The following SIPA1L3 variants were observed in gnomAD, a reference collection of about 807,000 sequenced individuals.
SIPA1L3 encodes signal induced proliferation associated 1 like 3.
In SIPA1L3, 59 loss-of-function variants were observed where a neutral mutation model predicts 150.1. The ratio of observed to expected loss-of-function variants is 0.39; its 90% CI spans 0.32 to 0.49. SIPA1L3 has a LOEUF of 0.49. Ranked by LOEUF, SIPA1L3 falls within the 20% of genes least tolerant of loss-of-function variation. The pLI, the probability that SIPA1L3 is intolerant of heterozygous loss-of-function variation, is 0.86. For synonymous variants in SIPA1L3, 1,070 were observed against 1,077.6 expected, an observed-to-expected ratio of 0.99 and a Z score of 0.14; for missense variants, 2,211 against 2,489.5, an observed-to-expected ratio of 0.89 and a Z score of 2.38.
At chr19:38,120,027 T>C in intron 9 of SIPA1L3, 145 bp downstream of exon 9, 1 of 609,148 alleles carries the variant, frequency 1.6e-6, no homozygotes, top group Non-Finnish European at 2.8e-6. Flanking sequence ...AAACTAGACA[T>C]CTTGTGGGTT....
chr19:37,972,877 T>C (rs1001783115), intron 1 of SIPA1L3, among the ~76,000 whole-genome samples: 15 of 152,108 alleles, frequency 9.9e-5, no homozygotes, highest in African/African-American at 3.6e-4. Flanking sequence ...TCCCCCCAAA[T>C]TAGTGGAGCT....
chr19:38,132,911 G>T (rs1054614523), intron 10 of SIPA1L3, among the ~76,000 whole-genome samples: 3 of 152,170 alleles, frequency 2.0e-5, no homozygotes, highest in Non-Finnish European at 2.9e-5. Context: ...GCCACCCAAA[G>T]TGCTGGGATT....
intron 12 of SIPA1L3, among the ~76,000 whole-genome samples, chr19:38,150,350 G>A (rs1298333339): frequency 6.6e-6 from 1 of 151,982 alleles, no homozygotes; most frequent in Non-Finnish European, 1.5e-5. Context: ...GGGGATTAGG[G>A]CAGGGTCCCT....
At chr19:38,012,401 G>C (rs1968125357) in intron 1 of SIPA1L3, among the ~76,000 whole-genome samples, 1 of 152,094 alleles carries the variant, frequency 6.6e-6, no homozygotes, top group South Asian at 2.1e-4. Context: ...TGAAGGGCAA[G>C]GGCATTTCAG....
Position 38,080,861 on chromosome 19 carries a change from T to C in SIPA1L3, c.-310-395T>C, listed in dbSNP as rs1023109166. Reference sequence around the variant, plus strand: ...TAGCACATGCTGGAATTCCAGCTACTTGGGAGGCTGAGGCAGGAGAATCAT... The same window carrying C: ...TAGCACATGCTGGAATTCCAGCTACCTGGGAGGCTGAGGCAGGAGAATCAT... On this transcript the variant is annotated intron_variant, in intron 2 of 21. Coordinates refer to ENST00000222345, the MANE Select transcript of SIPA1L3 (RefSeq NM_015073.3). 2.6e-5 allele frequency among the ~76,000 whole-genome samples: 4 copies of C among 151,964 alleles called. No homozygotes were observed. In the East Asian group the frequency reaches 7.7e-4, roughly 29 times the overall value.
Position 38,060,510 on chromosome 19 carries a change from A to T in SIPA1L3, c.-310-20746A>T, listed in dbSNP as rs576398116. On this transcript the variant is annotated intron_variant, in intron 2 of 21. Transcript: ENST00000222345. ...GGCTATGCCTGAGCAGAGGTGCGTG[A>T]CTTTGGACAGTTTGGGAGCCCCAGT... Among the ~76,000 whole-genome samples the T allele has an allele frequency of 1.6e-3, 242 of 152,298 alleles. 1 individual carries two copies. Among genetic ancestry groups the T allele is most frequent in the African/African-American group, 5.4e-3 (225 of 41,562 alleles).
At chr19:38,202,668 G>A (rs540228420) in intron 20 of SIPA1L3, among the ~76,000 whole-genome samples, 2 of 152,258 alleles carry the variant, frequency 1.3e-5, no homozygotes, top group East Asian at 3.9e-4. Context: ...CAGCCCCGTC[G>A]CTGCCAATCT....
intron 18 of SIPA1L3, 151 bp downstream of exon 18, chr19:38,193,931 G>A: frequency 1.1e-6 from 1 of 892,844 alleles, no homozygotes; most frequent in Non-Finnish European, 1.6e-6. Context: ...GGAACTTCGG[G>A]GGGCCTGATG....
At chr19:37,967,507 C>G (rs1410819427) in intron 1 of SIPA1L3, among the ~76,000 whole-genome samples, 1 of 152,160 alleles carries the variant, frequency 6.6e-6, no homozygotes, top group Non-Finnish European at 1.5e-5. Flanking sequence ...CTGCCTTGTG[C>G]TCCCAAAGTG....
intron 1 of SIPA1L3, among the ~76,000 whole-genome samples, chr19:37,957,548 TTC>T (rs1343084866): frequency 6.6e-6 from 1 of 151,818 alleles, no homozygotes; most frequent in Non-Finnish European, 1.5e-5. Context: ...GAATTTTTTT[TTC>T]TTTTTTTTCT....
intron 12 of SIPA1L3, among the ~76,000 whole-genome samples, chr19:38,146,931 G>A (rs1381436389): frequency 6.6e-6 from 1 of 152,086 alleles, no homozygotes; most frequent in African/African-American, 2.4e-5. Flanking sequence ...GTGTCTAAGA[G>A]TTCTTTGGAC....
intron 2 of SIPA1L3, among the ~76,000 whole-genome samples, chr19:38,053,577 A>G (rs966019091): frequency 6.6e-6 from 1 of 150,396 alleles, no homozygotes; most frequent in Admixed American, 6.6e-5. Flanking sequence ...TTTTTTGGAG[A>G]TGGGGGTCTC....
At chr19:38,187,635 T>G (rs1189355671) in intron 16 of SIPA1L3, among the ~76,000 whole-genome samples, 21 of 136,686 alleles carry the variant, frequency 1.5e-4, no homozygotes, top group African/African-American at 6.0e-4. Context: ...GAGAATGGCG[T>G]GAACCCCAGG....
intron 4 of SIPA1L3, among the ~76,000 whole-genome samples, chr19:38,094,177 A>G (rs746695562): frequency 6.6e-6 from 1 of 152,230 alleles, no homozygotes; most frequent in Non-Finnish European, 1.5e-5. Context: ...GGAAAGTTTC[A>G]TTAGTGAAAA....
chr19:37,928,830 G>C (rs888379150), intron 1 of SIPA1L3, among the ~76,000 whole-genome samples: 1 of 152,312 alleles, frequency 6.6e-6, no homozygotes, highest in African/African-American at 2.4e-5. Flanking sequence ...AAAGAAGCCT[G>C]TAGGTAGGCA....
In SIPA1L3 at chr19:38,193,642, CCCAGCGACGTGCTCTTCA is replaced by C; in HGVS notation, c.4708_4725del (p.Asp1570_Ser1575del). 6.3e-7 allele frequency: 1 copy of C among 1,579,430 alleles called. No homozygotes were observed. The highest frequency in any genetic ancestry group is 8.5e-7 in the Non-Finnish European group (1 of 1,170,590). ...CCCCGCTGGCCTAGAGCCAGGGCTG[CCCAGCGACGTGCTCTTCA>C]CCAGCACCTGCGCCTTCCCGTCCAG... On this transcript the variant is annotated inframe_deletion, in exon 18 of 22. Coordinates refer to ENST00000222345, the MANE Select transcript of SIPA1L3 (RefSeq NM_015073.3).
intron 2 of SIPA1L3, among the ~76,000 whole-genome samples, chr19:38,053,158 A>G (rs1450821993): frequency 6.6e-6 from 1 of 152,166 alleles, no homozygotes; most frequent in African/African-American, 2.4e-5. Context: ...AGCCCAGGGG[A>G]GATGGAAGGT....
intron 1 of SIPA1L3, among the ~76,000 whole-genome samples, chr19:37,911,512 C>CTT (rs1215377760): frequency 7.0e-6 from 1 of 143,708 alleles, no homozygotes; most frequent in Non-Finnish European, 1.5e-5. Context: ...TCTGAGATGT[C>CTT]TTTTTTTTTT....
rs1971576507 is a variant in SIPA1L3 at position 38,141,305 on chromosome 19, T to C, written c.3265T>C (p.Ser1089Pro). The C allele has an allele frequency of 1.2e-6, 2 of 1,613,626 alleles. No individual in the cohort carries two copies. Among genetic ancestry groups the C allele is most frequent in the Non-Finnish European group, 1.7e-6 (2 of 1,179,906 alleles). The change falls in exon 11 of 22, where the codon TCC becomes CCC. Residue 1089 changes from serine (S) to proline (P), a missense_variant. Physicochemically the swap from Ser to Pro is moderately conservative, Grantham distance 74. Around this residue, in one of 5 missense-constraint regions of SIPA1L3, gnomAD observed 806 missense variants for 870.1 expected, o/e 0.93. Coordinates refer to ENST00000222345, the MANE Select transcript of SIPA1L3 (RefSeq NM_015073.3). ...NAPWQWSGPA[S>P]HNSLPASKWA... ...TCCCTGGCAGTGGAGCGGGCCCGCATCCCATAACTCTCTACCAGCCTCCAA... is the reference window on the plus strand; with the variant it reads ...TCCCTGGCAGTGGAGCGGGCCCGCACCCCATAACTCTCTACCAGCCTCCAA...
Sources: gnomAD v4.1 joint callset for allele counts (sites outside exome capture counted in the v4.1 genomes callset) on GRCh38, gnomAD v4.1.1 for gene constraint, gnomAD v4.1.1 regional missense constraint, MANE v1.5 for transcripts, NCBI Gene and HGNC (gene_info 2026-07-23, HGNC 2026-07-21) for gene names.